The following ENPP6 variants were observed in gnomAD, a reference collection of about 807,000 sequenced individuals.
The protein encoded by ENPP6 is glycerophosphocholine cholinephosphodiesterase ENPP6.
In ENPP6, 32 loss-of-function variants were observed where a neutral mutation model predicts 42.0. The ratio of observed to expected loss-of-function variants is 0.76; its 90% confidence interval spans 0.58 to 1.02. The LOEUF is 1.02. Among genes scored for constraint, ENPP6 ranks in the 50% least tolerant of loss-of-function variants. The probability of loss-of-function intolerance (pLI) is 0.00; values close to 1 mark genes in which losing one functional copy is unlikely to be tolerated. For synonymous variants in ENPP6, 213 were observed against 216.0 expected, an observed-to-expected ratio of 0.99 and a Z score of 0.12; for missense variants, 552 against 566.8, an observed-to-expected ratio of 0.97 and a Z score of 0.27.
intron 1 of ENPP6, among the ~76,000 whole-genome samples, chr4:184,213,437 A>C (rs1311969536): frequency 6.6e-6 from 1 of 152,172 alleles, no homozygotes; most frequent in African/African-American, 2.4e-5. Context: ...AAGGACATGA[A>C]CAGACACTTC....
At chr4:184,097,128 G>A (rs1260535816) in intron 7 of ENPP6, 117 bp downstream of exon 7, 12 of 1,464,154 alleles carry the variant, frequency 8.2e-6, no homozygotes, top group African/African-American at 4.2e-5. Context: ...GCTCTGCTTG[G>A]CTCATAAAGA....
chr4:184,161,198 GA>G (rs1042172860), intron 1 of ENPP6, among the ~76,000 whole-genome samples: 5 of 149,274 alleles, frequency 3.3e-5, no homozygotes, highest in African/African-American at 4.9e-5. Flanking sequence ...AAATCAGCAA[GA>G]AAAAAAAATC....
intron 2 of ENPP6, among the ~76,000 whole-genome samples, chr4:184,128,222 C>A (rs1289901883): frequency 2.0e-5 from 3 of 152,154 alleles, no homozygotes; most frequent in Non-Finnish European, 2.9e-5. Flanking sequence ...ACTCTGTCAC[C>A]CAGGCTGGAG....
intron 1 of ENPP6, among the ~76,000 whole-genome samples, chr4:184,187,425 G>A (rs1183774145): frequency 6.6e-6 from 1 of 152,234 alleles, no homozygotes; most frequent in African/African-American, 2.4e-5. Context: ...ACACCGCTCA[G>A]ACCTCACTGC....
rs558394814 is a variant in ENPP6 at position 184,101,165 on chromosome 4, G to C, written c.994-3797C>G. ...TGTGTGCATGTGTGTGTGAATGTGT[G>C]TGTGCATGAGTGTGTATGTGCCTGT... is the stretch of plus-strand genomic sequence containing the variant. On this transcript the variant is annotated intron_variant, in intron 6 of 7. Coordinates refer to ENST00000296741, the MANE Select transcript of ENPP6 (RefSeq NM_153343.4). Among the ~76,000 whole-genome samples the C allele has an allele frequency of 1.3e-4, 20 of 152,272 alleles. No homozygotes were observed. The South Asian group carries it at 1.7e-3, about 13-fold the overall frequency.
intron 2 of ENPP6, among the ~76,000 whole-genome samples, chr4:184,138,731 G>A (rs189874939): frequency 2.0e-5 from 3 of 152,280 alleles, no homozygotes; most frequent in East Asian, 3.9e-4. Context: ...TCAGAAACTA[G>A]GCAGCAGAAG....
intron 1 of ENPP6, among the ~76,000 whole-genome samples, chr4:184,200,625 A>G (rs972615699): frequency 1.3e-5 from 2 of 152,242 alleles, no homozygotes; most frequent in African/African-American, 2.4e-5. Flanking sequence ...AATGTATCCA[A>G]GTCCCTGCGG....
intron 6 of ENPP6, among the ~76,000 whole-genome samples, chr4:184,107,246 G>A (rs1229288891): frequency 6.6e-6 from 1 of 152,228 alleles, no homozygotes; most frequent in East Asian, 1.9e-4. Flanking sequence ...CTTCCATGAG[G>A]AAGGCCCATT....
chr4:184,107,915 A>G (rs986905477), intron 6 of ENPP6, among the ~76,000 whole-genome samples: 13 of 137,734 alleles, frequency 9.4e-5, no homozygotes, highest in Non-Finnish European at 1.7e-4. Context: ...ACTCAGTCTC[A>G]ATAAAAAAAA....
At chr4:184,091,413 C>T in intron 7 of ENPP6, 31 bp from the exon 8 acceptor site, 2 of 1,576,920 alleles carry the variant, frequency 1.3e-6, no homozygotes, top group Non-Finnish European at 1.7e-6. Context: ...AACAAGTTGT[C>T]ATGGCAGCTC....
In ENPP6 at chr4:184,124,232, G is replaced by T. The variant is rs1356178643; in HGVS notation, c.462C>A (p.Cys154Ter). The T allele has an allele frequency of 6.2e-7, 1 of 1,613,996 alleles. No individual in the cohort carries two copies. The highest frequency in any genetic ancestry group is 1.1e-5 in the South Asian group (1 of 91,066). ...CCGTTGGGACATTTTTATATTCTAG[G>T]CAGTAGGTGGGTCTGACACCCAGAA... Reference protein sequence around the residue: ...VEILGVRPTYCLEYKNVPTDI... With the variant: ...VEILGVRPTY Residue 154 changes from cysteine to a stop codon, truncating the protein, a stop_gained, in exon 3 of 8, where the codon TGC (cysteine) becomes TGA (stop). Coordinates refer to ENST00000296741, the MANE Select transcript of ENPP6 (RefSeq NM_153343.4). LOFTEE classifies it high-confidence loss of function.
chr4:184,108,977 A>G (rs1230088870), intron 6 of ENPP6, among the ~76,000 whole-genome samples: 1 of 152,246 alleles, frequency 6.6e-6, no homozygotes, highest in Non-Finnish European at 1.5e-5. Context: ...TTGGGAGGCC[A>G]AGGCGGGCAG....
rs752341794 is a variant in ENPP6, at chr4:184,206,251, A to ATTCTTTTTT, written c.241+11327_241+11328insAAAAAAGAA. ...GAACAGCCCCTCAAAGGAAGCTTGA[A>ATTCTTTTTT]TTTTTTTTTTTTTTTTTTTTTTTTG... On this transcript the variant is annotated intron_variant, in intron 1 of 7. Coordinates refer to ENST00000296741, the MANE Select transcript of ENPP6 (RefSeq NM_153343.4). Among the ~76,000 whole-genome samples the ATTCTTTTTT allele has an allele frequency of 2.0e-4, 19 of 93,406 alleles. 3 individuals are homozygous for ATTCTTTTTT. Among genetic ancestry groups the ATTCTTTTTT allele is most frequent in the South Asian group, 6.9e-4 (2 of 2,886 alleles). The allele number at this position is 93,406 out of a possible 152,430, so 61.3% of individuals were successfully genotyped here. A position where few individuals can be genotyped will look rare whatever the true frequency, so the allele number is the denominator to read the frequency against.
intron 5 of ENPP6, among the ~76,000 whole-genome samples, chr4:184,114,030 A>T (rs1736273798): frequency 6.7e-6 from 1 of 148,446 alleles, no homozygotes. Context: ...CAATGGCAAG[A>T]TCTTGGCTCA....
intron 7 of ENPP6, among the ~76,000 whole-genome samples, chr4:184,092,136 G>A (rs767138405): frequency 6.6e-6 from 1 of 151,932 alleles, no homozygotes; most frequent in Non-Finnish European, 1.5e-5. Flanking sequence ...GAGTGCCAGC[G>A]TCTACTGCAG....
chr4:184,217,841 C>G lies in ENPP6; in HGVS notation c.-22G>C. On this transcript the variant is annotated 5_prime_UTR_variant, in exon 1 of 8. Transcript: ENST00000296741. ...CCATGCTGCCAGGAGCCTGCCAGAGCCCGGCTGGCACAGCTGTCGCCTTGC... is the reference window on the plus strand; with the variant it reads ...CCATGCTGCCAGGAGCCTGCCAGAGGCCGGCTGGCACAGCTGTCGCCTTGC... 1 of 1,610,038 alleles carries G rather than the reference C, an allele frequency of 6.2e-7. No homozygotes were observed. The highest frequency in any genetic ancestry group is 1.3e-5 in the African/African-American group (1 of 74,984).
At chr4:184,162,584 G>A (rs535631017) in intron 1 of ENPP6, among the ~76,000 whole-genome samples, 1 of 151,708 alleles carries the variant, frequency 6.6e-6, no homozygotes, top group African/African-American at 2.4e-5. Context: ...AGAAAGGAAG[G>A]AAGAGAGGGA....
intron 6 of ENPP6, among the ~76,000 whole-genome samples, chr4:184,102,580 C>T (rs1303769849): frequency 6.6e-6 from 1 of 152,226 alleles, no homozygotes; most frequent in South Asian, 2.1e-4. Flanking sequence ...CGGCCTCCAG[C>T]TGTGTCCTGC....
At chr4:184,117,978 C>T in intron 3 of ENPP6, 78 bp from the exon 4 acceptor site, 1 of 1,520,916 alleles carries the variant, frequency 6.6e-7, no homozygotes, top group South Asian at 1.2e-5. Context: ...ATAGCACTCT[C>T]TGAAGGTGTT....
Sources: allele counts gnomAD v4.1 joint callset (sites outside exome capture counted in the v4.1 genomes callset), GRCh38; gene constraint gnomAD v4.1.1; transcripts MANE v1.5; gene names NCBI Gene and HGNC (gene_info 2026-07-23, HGNC 2026-07-21).